ENTREP2: variants seen among roughly 807,000 people sequenced by gnomAD.
ENTREP2 encodes the protein endosomal transmembrane epsin interactor 2, also known as protein ENTREP2.
the ENTREP2 span, among the ~76,000 whole-genome samples, chr15:29,217,619 C>T: frequency 6.6e-6 from 1 of 151,976 alleles, no homozygotes; most frequent in Non-Finnish European, 1.5e-5. Context: ...ATTGTTTTTT[C>T]CTTATGCTGT....
the ENTREP2 span, chr15:29,136,284 G>A: frequency 2.2e-6 from 3 of 1,391,402 alleles, no homozygotes; most frequent in Admixed American, 6.4e-5. Flanking sequence ...GGCGCGGTGT[G>A]AGGTGCCTTC....
the ENTREP2 span, among the ~76,000 whole-genome samples, chr15:29,661,368 T>G: frequency 6.6e-6 from 1 of 152,084 alleles, no homozygotes. Context: ...GCCTGGCTAA[T>G]TTTTGTATTT....
At chr15:29,478,013 A>ATTTTTTTT in the ENTREP2 span, among the ~76,000 whole-genome samples, 2 of 65,636 alleles carry the variant, frequency 3.0e-5, no homozygotes, top group African/African-American at 1.6e-4. Flanking sequence ...ATATATATAT[A>ATTTTTTTT]TATATATTTT....
the ENTREP2 span, among the ~76,000 whole-genome samples, chr15:29,328,752 A>C: frequency 7.2e-5 from 11 of 152,184 alleles, no homozygotes; most frequent in Non-Finnish European, 1.6e-4. Flanking sequence ...ACAGGGGAGG[A>C]GGCTGGACTG....
chr15:29,576,243 C>A, the ENTREP2 span, among the ~76,000 whole-genome samples: 1 of 152,200 alleles, frequency 6.6e-6, no homozygotes, highest in African/African-American at 2.4e-5. Flanking sequence ...AGAATAGTCT[C>A]TTCAACAGAT....
the ENTREP2 span, among the ~76,000 whole-genome samples, chr15:29,342,855 G>A: frequency 1.3e-5 from 2 of 152,082 alleles, no homozygotes; most frequent in South Asian, 2.1e-4. Context: ...AACTATTCAC[G>A]ATCTGAATTA....
chr15:29,643,548 G>A, the ENTREP2 span, among the ~76,000 whole-genome samples: 8 of 151,984 alleles, frequency 5.3e-5, no homozygotes, highest in South Asian at 1.2e-3. Context: ...TTTGGGAGGC[G>A]GAAGCAGGTG....
chr15:29,470,799 G>A, the ENTREP2 span, among the ~76,000 whole-genome samples: 1 of 152,146 alleles, frequency 6.6e-6, no homozygotes, highest in Non-Finnish European at 1.5e-5. Flanking sequence ...GTTCCTCCTT[G>A]ATTCTCTTCC....
At chr15:29,333,595 T>G in the ENTREP2 span, among the ~76,000 whole-genome samples, 91 of 152,286 alleles carry the variant, frequency 6.0e-4, 2 homozygotes, top group East Asian at 0.017. Context: ...CTTCCTCATT[T>G]GCATTCCATT....
At chr15:29,642,788 A>G in the ENTREP2 span, among the ~76,000 whole-genome samples, 374 of 151,988 alleles carry the variant, frequency 2.5e-3, 1 homozygote, top group Middle Eastern at 3.4e-3. Flanking sequence ...AATTTTTTGT[A>G]TTTTTAGTAG....
chr15:29,478,020 T>TATATATTTATATA, the ENTREP2 span, among the ~76,000 whole-genome samples: 2 of 37,842 alleles, frequency 5.3e-5, no homozygotes, highest in African/African-American at 3.6e-4. Flanking sequence ...TATATATATA[T>TATATATTTATATA]TTTTTTTTTT....
chr15:29,226,276 G>A, the ENTREP2 span, among the ~76,000 whole-genome samples: 3 of 152,176 alleles, frequency 2.0e-5, no homozygotes, highest in African/African-American at 7.2e-5. Flanking sequence ...ACTTTGCTAG[G>A]AAAGTTTACT....
At chr15:29,183,061 T>C in the ENTREP2 span, among the ~76,000 whole-genome samples, 3 of 152,164 alleles carry the variant, frequency 2.0e-5, no homozygotes, top group African/African-American at 7.2e-5. Context: ...GATGGAAAAA[T>C]AGTTCTTAAA....
the ENTREP2 span, among the ~76,000 whole-genome samples, chr15:29,456,066 C>T: frequency 1.3e-5 from 2 of 152,082 alleles, no homozygotes; most frequent in African/African-American, 2.4e-5. Flanking sequence ...GTACAATAAA[C>T]GTAATGTGCT....
At chr15:29,267,221 T>C in the ENTREP2 span, 3 of 152,304 alleles carry the variant, frequency 2.0e-5, no homozygotes, top group East Asian at 5.8e-4. Flanking sequence ...AGTTCACTTT[T>C]TTCCCCGAGT....
the ENTREP2 span, among the ~76,000 whole-genome samples, chr15:29,575,378 T>C: frequency 6.6e-6 from 1 of 152,294 alleles, no homozygotes; most frequent in East Asian, 1.9e-4. Flanking sequence ...AGGACATTTA[T>C]GAAAGACCCA....
chr15:29,396,805 C>T, the ENTREP2 span, among the ~76,000 whole-genome samples: 5 of 152,054 alleles, frequency 3.3e-5, no homozygotes, highest in East Asian at 3.8e-4. Flanking sequence ...AGTTAAGGGT[C>T]CAACTTCATT....
At chr15:29,125,459 T>C in the ENTREP2 span, among the ~76,000 whole-genome samples, 119,821 of 152,060 alleles carry the variant, frequency 0.79, 47,518 homozygotes, top group Middle Eastern at 0.88. Flanking sequence ...CACTGCGGGC[T>C]CTGGTTCCTT....
the ENTREP2 span, among the ~76,000 whole-genome samples, chr15:29,380,957 T>C: frequency 6.6e-6 from 1 of 150,896 alleles, no homozygotes. Context: ...GTTCAAGCAA[T>C]TCTCCTGCCT....
Sources: gnomAD v4.1 joint callset for allele counts (sites outside exome capture counted in the v4.1 genomes callset) on GRCh38, gnomAD v4.1.1 for gene constraint, MANE v1.5 for transcripts, NCBI Gene and HGNC (gene_info 2026-07-23, HGNC 2026-07-21) for gene names.